The following EHMT1 variants were observed in gnomAD, a reference collection of about 807,000 sequenced individuals.
EHMT1 encodes the protein euchromatic histone lysine methyltransferase 1, also known as histone-lysine N-methyltransferase EHMT1.
EHMT1 carries 15 observed loss-of-function variants against 147.2 expected under a neutral mutation model. The observed-to-expected ratio is 0.10, with a 90% confidence interval of 0.07 to 0.16. EHMT1 has a LOEUF of 0.16. Among genes scored for constraint, EHMT1 ranks in the 10% least tolerant of loss-of-function variants. The pLI, the probability that EHMT1 is intolerant of heterozygous loss-of-function variation, is 1.00. For missense variants in EHMT1, 1,587 were observed against 1,772.4 expected, an observed-to-expected ratio of 0.90 and a Z score of 1.88; for synonymous variants, 795 against 709.6, an observed-to-expected ratio of 1.12 and a Z score of -1.91.
At chr9:137,654,099 A>G (rs1210316846) in intron 1 of EHMT1, among the ~76,000 whole-genome samples, 2 of 152,080 alleles carry the variant, frequency 1.3e-5, no homozygotes, top group East Asian at 3.9e-4. Context: ...AATTGACCAT[A>G]GGCTGGGCGC....
intron 6 of EHMT1, chr9:137,746,254 A>G (rs1296822342): frequency 1.3e-5 from 2 of 152,300 alleles, no homozygotes; most frequent in Non-Finnish European, 2.9e-5. Context: ...AGCTGGGGCT[A>G]CAGGCACGTG....
chr9:137,828,280 G>A lies in EHMT1; in HGVS notation c.3541-6069G>A, dbSNP rs1030686761. On this transcript the variant is annotated intron_variant, in intron 25 of 26. Transcript: ENST00000460843. This position sits in a 1 kb window ranked among gnomAD's most constrained non-coding sequence, Gnocchi z 5.3. ...GGAGCCCCTCTGCATTCTTCAGGGT[G>A]CATGGAACCCACACCCTGTCCCCAA... Among the ~76,000 whole-genome samples, 4 of 151,430 alleles carry A rather than the reference G, an allele frequency of 2.6e-5. No homozygotes were observed. The highest frequency in any genetic ancestry group is 5.9e-5 in the Non-Finnish European group (4 of 67,812).
chr9:137,821,015 C>G (rs1283411017), intron 25 of EHMT1, among the ~76,000 whole-genome samples: 1 of 152,208 alleles, frequency 6.6e-6, no homozygotes, highest in Non-Finnish European at 1.5e-5. Context: ...GTAGCTGGGA[C>G]TGCAGGTGCC....
intron 1 of EHMT1, among the ~76,000 whole-genome samples, chr9:137,702,495 T>C (rs1191378700): frequency 1.3e-5 from 2 of 152,164 alleles, no homozygotes; most frequent in African/African-American, 2.4e-5. Flanking sequence ...TGACTCCATG[T>C]CTCACTTCCA....
chr9:137,823,199 C>T (rs887692968), intron 25 of EHMT1, among the ~76,000 whole-genome samples: 1 of 149,446 alleles, frequency 6.7e-6, no homozygotes, highest in Non-Finnish European at 1.5e-5. Flanking sequence ...CCTGGGTTCA[C>T]CCCATTCTCC....
At chr9:137,678,773 C>T (rs1023550271) in intron 1 of EHMT1, among the ~76,000 whole-genome samples, 2 of 131,068 alleles carry the variant, frequency 1.5e-5, no homozygotes, top group Non-Finnish European at 3.1e-5. Context: ...TGTGATCTGT[C>T]TATCTGACGA....
chr9:137,675,409 G>A (rs1941151373), intron 1 of EHMT1, among the ~76,000 whole-genome samples: 1 of 151,788 alleles, frequency 6.6e-6, no homozygotes, highest in Non-Finnish European at 1.5e-5. Flanking sequence ...ACCAATAGGG[G>A]GGTTGGTGTG....
chr9:137,683,213 T>A (rs962054532), intron 1 of EHMT1, among the ~76,000 whole-genome samples: 4 of 152,192 alleles, frequency 2.6e-5, no homozygotes, highest in African/African-American at 9.7e-5. Context: ...ACAGAATATA[T>A]TACACTTATT....
chr9:137,784,213 C>T, intron 15 of EHMT1: 1 of 1,548,888 alleles, frequency 6.5e-7, no homozygotes, highest in Non-Finnish European at 8.7e-7. Flanking sequence ...GAGGAAGATG[C>T]TCCAGCACAG....
At chr9:137,667,406 G>A (rs1236394969) in intron 1 of EHMT1, 1 of 152,234 alleles carries the variant, frequency 6.6e-6, no homozygotes, top group African/African-American at 2.4e-5. Flanking sequence ...CCATGTGGAG[G>A]TCAGGTATCT....
chr9:137,750,775 G>A (rs1288567111), intron 6 of EHMT1, among the ~76,000 whole-genome samples: 1 of 152,262 alleles, frequency 6.6e-6, no homozygotes, highest in African/African-American at 2.4e-5. Context: ...GGGCGCGGCT[G>A]CCGGAGGGGA....
At chr9:137,749,978 G>A (rs931770834) in intron 6 of EHMT1, among the ~76,000 whole-genome samples, 16 of 152,182 alleles carry the variant, frequency 1.1e-4, no homozygotes, top group Non-Finnish European at 5.9e-5. Flanking sequence ...ACACGAATGC[G>A]GCAGCATTGA....
chr9:137,696,857 A>G (rs1411420235), intron 1 of EHMT1, among the ~76,000 whole-genome samples: 1 of 152,168 alleles, frequency 6.6e-6, no homozygotes, highest in Non-Finnish European at 1.5e-5. Context: ...GATCAGTTCC[A>G]GGGGAGCATG....
At chr9:137,621,129 G>C (rs1842920991) in intron 1 of EHMT1, among the ~76,000 whole-genome samples, 1 of 152,140 alleles carries the variant, frequency 6.6e-6, no homozygotes, top group East Asian at 1.9e-4. Context: ...GGTCATTTTA[G>C]GTTAATAAAA....
At chr9:137,717,626 A>AAAAAAGAG (rs1554847272) in intron 3 of EHMT1, among the ~76,000 whole-genome samples, 2 of 140,254 alleles carry the variant, frequency 1.4e-5, no homozygotes, top group Admixed American at 7.6e-5. Context: ...AAAAAAAAAA[A>AAAAAAGAG]GAGATGCTGC....
Position 137,776,982 on chromosome 9 carries a change from A to G in EHMT1, c.2018+138A>G. ...GCTGATGCTTATGGTGATTTCTGAC[A>G]TTTAAGACTCTGAAATTCATTTATT... On this transcript the variant is annotated intron_variant, in intron 12 of 26. Coordinates refer to ENST00000460843, the MANE Select transcript of EHMT1 (RefSeq NM_024757.5). The surrounding 1 kb of genome is among the most constrained non-coding windows in gnomAD (Gnocchi z 4.4). 1 of 805,220 alleles carries G rather than the reference A, an allele frequency of 1.2e-6. No homozygotes were observed. The highest frequency in any genetic ancestry group is 2.0e-6 in the Non-Finnish European group (1 of 507,716). The allele number at this position is 805,220 out of a possible 1,614,324, so 49.9% of individuals were successfully genotyped here.
Position 137,775,883 on chromosome 9 carries a change from G to A in EHMT1, c.1791+631G>A, listed in dbSNP as rs190788717. On this transcript the variant is annotated intron_variant, in intron 11 of 26. Transcript: ENST00000460843. This position sits in a 1 kb window ranked among gnomAD's most constrained non-coding sequence, Gnocchi z 6.1. The stretch of plus-strand genomic sequence containing the variant: ...GTGTGGGCATCCTCGTGCATGTAGG[G>A]TGTGTGTGTGTGTGTGTCTGTGCGC... Among the ~76,000 whole-genome samples, 1 of 131,216 alleles carries A rather than the reference G, an allele frequency of 7.6e-6. No homozygotes were observed. The highest frequency in any genetic ancestry group is 2.0e-4 in the East Asian group (1 of 5,012). 86.1% of individuals were successfully genotyped at this position (131,216 alleles called of 152,430 possible).
At chr9:137,647,947 G>T (rs1845029566) in intron 1 of EHMT1, among the ~76,000 whole-genome samples, 1 of 152,056 alleles carries the variant, frequency 6.6e-6, no homozygotes, top group South Asian at 2.1e-4. Context: ...TTTCTTCAGA[G>T]CATTCGTACT....
At chr9:137,730,619 C>A (rs889401138) in intron 4 of EHMT1, among the ~76,000 whole-genome samples, 1 of 152,230 alleles carries the variant, frequency 6.6e-6, no homozygotes, top group Non-Finnish European at 1.5e-5. Context: ...TACTAATTTA[C>A]GGACTCTTAT....
Sources: gnomAD v4.1 joint callset for allele counts (sites outside exome capture counted in the v4.1 genomes callset) on GRCh38, gnomAD v4.1.1 for gene constraint, Gnocchi (gnomAD v3.1) non-coding constraint, MANE v1.5 for transcripts, NCBI Gene and HGNC (gene_info 2026-07-23, HGNC 2026-07-21) for gene names.